TTC17: variants seen among roughly 807,000 people sequenced by gnomAD.
The protein encoded by TTC17 is tetratricopeptide repeat protein 17.
A neutral mutation model predicts 143.8 loss-of-function variants in TTC17; 58 were observed. That is an observed-to-expected ratio of 0.40 (90% CI 0.33 to 0.50). TTC17 has a LOEUF of 0.50. Ranked by LOEUF, TTC17 falls within the 20% of genes least tolerant of loss-of-function variation. The pLI, the probability that TTC17 is intolerant of heterozygous loss-of-function variation, is 0.49. For synonymous variants in TTC17, 501 were observed against 497.8 expected, an observed-to-expected ratio of 1.01 and a Z score of -0.09; for missense variants, 1,273 against 1,392.5, an observed-to-expected ratio of 0.91 and a Z score of 1.37.
At chr11:43,449,892 C>A in intron 19 of TTC17, 190 bp from the exon 20 acceptor site, 1 of 619,808 alleles carries the variant, frequency 1.6e-6, no homozygotes, top group Non-Finnish European at 2.7e-6. Context: ...GGGTATTTAT[C>A]ACCACTTATA....
rs774202026 is a variant in TTC17 at position 43,398,122 on chromosome 11, G to A, written c.1058+9G>A. On this transcript the variant is annotated intron_variant, in intron 8 of 23. Transcript: ENST00000039989. ...TTGGAGGCTCAGCATAGGTAATTGAGAGGAAAAATTTCACTCAAGCATTAG... is the reference window on the plus strand; with the variant it reads ...TTGGAGGCTCAGCATAGGTAATTGAAAGGAAAAATTTCACTCAAGCATTAG... The A allele has an allele frequency of 5.0e-6, 8 of 1,613,592 alleles. No homozygotes were observed. The highest frequency in any genetic ancestry group is 6.8e-6 in the Non-Finnish European group (8 of 1,179,724).
rs867155827 is a variant in TTC17, at chr11:43,426,634, A to G, written c.2251+11858A>G. Among the ~76,000 whole-genome samples, 3 of 152,332 alleles carry G rather than the reference A, an allele frequency of 2.0e-5. No individual in the cohort carries two copies. The Middle Eastern group carries it at 0.01, about 518-fold the overall frequency. ...AATATCATACTTGCTACCTCTACCAATGCAAAGGACATTTCCTAGTGCTTG... is the reference window on the plus strand; with the variant it reads ...AATATCATACTTGCTACCTCTACCAGTGCAAAGGACATTTCCTAGTGCTTG... On this transcript the variant is annotated intron_variant, in intron 16 of 23. Coordinates refer to ENST00000039989, the MANE Select transcript of TTC17 (RefSeq NM_018259.6).
intron 2 of TTC17, among the ~76,000 whole-genome samples, chr11:43,380,927 T>C (rs1856943544): frequency 6.6e-6 from 1 of 152,216 alleles, no homozygotes; most frequent in African/African-American, 2.4e-5. Context: ...CATGATCTAT[T>C]TTTATTTAAA....
intron 16 of TTC17, among the ~76,000 whole-genome samples, chr11:43,416,215 G>T (rs1703838338): frequency 6.6e-6 from 1 of 151,860 alleles, no homozygotes; most frequent in African/African-American, 2.4e-5. Flanking sequence ...CAACACTGTG[G>T]TCTTTTAAAT....
Position 43,443,538 on chromosome 11 carries a change from C to G in TTC17, c.2465C>G (p.Ser822Cys). The change falls in exon 17 of 24, where the codon TCT becomes TGT. Residue 822 changes from serine (S) to cysteine (C), a missense_variant. Ser to Cys is a moderately radical substitution (Grantham distance 112). Coordinates refer to ENST00000039989, the MANE Select transcript of TTC17 (RefSeq NM_018259.6). ...KGPQDGVARS[S>C]CYGDCRSEDD... ...CCCCAGGATGGAGTGGCCAGAAGCTCTTGCTATGGAGACTGCAGAAGTGAA... is the reference window on the plus strand; with the variant it reads ...CCCCAGGATGGAGTGGCCAGAAGCTGTTGCTATGGAGACTGCAGAAGTGAA... 1 of 1,614,066 alleles carries G rather than the reference C, an allele frequency of 6.2e-7. No homozygotes were observed. Among genetic ancestry groups the G allele is most frequent in the Non-Finnish European group, 8.5e-7 (1 of 1,179,984 alleles).
chr11:43,419,622 T>C (rs768034994), intron 16 of TTC17, among the ~76,000 whole-genome samples: 12 of 152,206 alleles, frequency 7.9e-5, no homozygotes, highest in Admixed American at 2.0e-4. Flanking sequence ...TTACATTCTT[T>C]TATAAGAATT....
chr11:43,377,432 T>G (rs771858182), intron 1 of TTC17, among the ~76,000 whole-genome samples: 4 of 152,242 alleles, frequency 2.6e-5, no homozygotes, highest in Non-Finnish European at 5.9e-5. Context: ...GAGAAGTATT[T>G]GAGAAGTGAG....
At chr11:43,488,392 G>A (rs1244041379) in intron 21 of TTC17, among the ~76,000 whole-genome samples, 1 of 151,840 alleles carries the variant, frequency 6.6e-6, no homozygotes, top group African/African-American at 2.4e-5. Context: ...ACCAAAAGTT[G>A]CAAATGAAAT....
intron 3 of TTC17, among the ~76,000 whole-genome samples, chr11:43,390,946 C>A (rs1247661081): frequency 1.3e-5 from 2 of 152,160 alleles, no homozygotes; most frequent in Non-Finnish European, 2.9e-5. Flanking sequence ...TGATCTTATT[C>A]TGTGACCTAT....
chr11:43,404,055 A>G lies in TTC17; in HGVS notation c.1390A>G (p.Asn464Asp), dbSNP rs1857998665. ...GTCTGTGAACTTTGATGTTCAATCA[A>G]ATCAGAGTGATATCAATGATTCGGT... ...MMSVNFDVQSNQSDINDSVKS... is the reference protein window; with the variant it reads ...MMSVNFDVQSDQSDINDSVKS... Residue 464 changes from asparagine (N) to aspartate (D), a missense_variant, in exon 11 of 24, where the codon AAT (asparagine) becomes GAT (aspartate). Physicochemically the swap from Asn to Asp is conservative, Grantham distance 23. Around this residue, in one of 3 missense-constraint regions of TTC17, gnomAD observed 878 missense variants for 899.8 expected, o/e 0.98. Coordinates refer to ENST00000039989, the MANE Select transcript of TTC17 (RefSeq NM_018259.6). 1.9e-6 allele frequency: 3 copies of G among 1,613,196 alleles called. No homozygotes were observed. In the South Asian group the frequency reaches 3.3e-5, roughly 18 times the overall value.
Position 43,490,181 on chromosome 11 carries a change from G to C in TTC17, c.3031-58G>C, listed in dbSNP as rs77640185. On this transcript the variant is annotated intron_variant, in intron 21 of 23. Coordinates refer to ENST00000039989, the MANE Select transcript of TTC17 (RefSeq NM_018259.6). Reference sequence around the variant, plus strand: ...GACTTGTGTTACTGAACTTAATCTTGGTAATAAATGAGTATGTTCTTGAAA... The same window carrying C: ...GACTTGTGTTACTGAACTTAATCTTCGTAATAAATGAGTATGTTCTTGAAA... The C allele has an allele frequency of 1.2e-3, 1,885 of 1,557,148 alleles. 19 individuals carry two copies. The African/African-American group carries it at 0.022, about 19-fold the overall frequency.
intron 18 of TTC17, among the ~76,000 whole-genome samples, chr11:43,444,706 C>T (rs1033850220): frequency 6.9e-6 from 1 of 145,300 alleles, no homozygotes; most frequent in South Asian, 2.2e-4. Context: ...CGTACATAGG[C>T]AGTTCACCAA....
At chr11:43,492,186 A>T (rs201684248) in intron 23 of TTC17, 23 bp downstream of exon 23, 2 of 1,612,324 alleles carry the variant, frequency 1.2e-6, no homozygotes, top group Non-Finnish European at 1.7e-6. Context: ...TGTGAGCAGT[A>T]TGTACCAACT....
chr11:43,456,193 C>CAT (rs970110813), intron 21 of TTC17, among the ~76,000 whole-genome samples: 14 of 151,810 alleles, frequency 9.2e-5, no homozygotes, highest in South Asian at 6.2e-4. Context: ...CACACACACA[C>CAT]ACACACACAC....
rs200683669 is a variant in TTC17, at chr11:43,450,150, A to G, written c.2855A>G (p.Asn952Ser). Reference protein sequence around the residue: ...QPAMEPLCNGNLPTSMHTLDH... With the variant: ...QPAMEPLCNGSLPTSMHTLDH... ...GCAATGGAGCCTCTTTGCAATGGCA[A>G]TCTCCCCACGAGTATGCATACCCTG... The change falls in exon 20 of 24, where the codon AAT becomes AGT. Residue 952 changes from asparagine to serine, a missense_variant. Around this residue, in one of 3 missense-constraint regions of TTC17, gnomAD observed 878 missense variants for 899.8 expected, o/e 0.98. Coordinates refer to ENST00000039989, the MANE Select transcript of TTC17 (RefSeq NM_018259.6). 103 of 1,614,124 alleles carry G rather than the reference A, an allele frequency of 6.4e-5. No homozygotes were observed. Among genetic ancestry groups the G allele is most frequent in the East Asian group, 2.7e-4 (12 of 44,872 alleles).
At chr11:43,478,281 A>G (rs1324595452) in intron 21 of TTC17, among the ~76,000 whole-genome samples, 1 of 152,232 alleles carries the variant, frequency 6.6e-6, no homozygotes, top group Non-Finnish European at 1.5e-5. Context: ...TATGGCGCTC[A>G]TTTAGATTGT....
At chr11:43,401,587 A>G in intron 10 of TTC17, 29 bp downstream of exon 10, 2 of 1,466,106 alleles carry the variant, frequency 1.4e-6, no homozygotes, top group Non-Finnish European at 1.9e-6. Context: ...TCTAATTCTT[A>G]TAAACGTTTG....
At chr11:43,482,295 A>G (rs1353247080) in intron 21 of TTC17, among the ~76,000 whole-genome samples, 1 of 149,446 alleles carries the variant, frequency 6.7e-6, no homozygotes. Flanking sequence ...AGCTTGTATT[A>G]TTGACTTGAT....
chr11:43,454,019 A>T (rs1030684658), intron 21 of TTC17, among the ~76,000 whole-genome samples: 1 of 152,154 alleles, frequency 6.6e-6, no homozygotes, highest in Non-Finnish European at 1.5e-5. Flanking sequence ...CTGTATACCC[A>T]TTGCTTTCAC....
Sources: gnomAD v4.1 joint callset for allele counts (sites outside exome capture counted in the v4.1 genomes callset) on GRCh38, gnomAD v4.1.1 for gene constraint, gnomAD v4.1.1 regional missense constraint, MANE v1.5 for transcripts, NCBI Gene and HGNC (gene_info 2026-07-23, HGNC 2026-07-21) for gene names.